Variants in EDC4 observed in about 807,000 individuals in gnomAD.
EDC4 encodes the protein enhancer of mRNA decapping 4, also known as enhancer of mRNA-decapping protein 4.
Under a neutral mutation model 155.8 loss-of-function variants are expected in EDC4, and 64 were observed. The ratio of observed to expected loss-of-function variants is 0.41; its 90% CI spans 0.34 to 0.51. EDC4 has a LOEUF of 0.51. Ranked by LOEUF, EDC4 falls within the 20% of genes least tolerant of loss-of-function variation. The pLI, the probability that EDC4 is intolerant of heterozygous loss-of-function variation, is 0.19. For synonymous variants in EDC4, 684 were observed against 716.8 expected, an observed-to-expected ratio of 0.95 and a Z score of 0.73; for missense variants, 1,303 against 1,812.5, an observed-to-expected ratio of 0.72 and a Z score of 5.10.
Position 67,884,148 on chromosome 16 carries a change from G to A in EDC4, c.4206G>A (p.Ter1402=). The A allele has an allele frequency of 6.2e-7, 1 of 1,605,262 alleles. No homozygotes were observed. The highest frequency in any genetic ancestry group is 8.5e-7 in the Non-Finnish European group (1 of 1,174,766). ...GCCTCGTGACCCCCAGCCTCCCTTA[G>A]CTGCTAAGCCTGCCTTGCCCAGGGG... is the stretch of plus-strand genomic sequence containing the variant. ...LHGLVTPSLP[*] The change falls in exon 29 of 29, where the codon TAG becomes TAA. Residue 1402 remains the stop codon, a stop_retained_variant. Coordinates refer to ENST00000358933, the MANE Select transcript of EDC4 (RefSeq NM_014329.5). This position sits in a 1 kb window ranked among gnomAD's most constrained non-coding sequence, Gnocchi z 4.1.
chr16:67,878,999 C>T lies in EDC4; in HGVS notation c.1330C>T (p.His444Tyr). The T allele has an allele frequency of 6.2e-7, 1 of 1,612,104 alleles. No individual in the cohort carries two copies. Among genetic ancestry groups the T allele is most frequent in the East Asian group, 2.2e-5 (1 of 44,870 alleles). Residue 444 changes from histidine (H) to tyrosine (Y), a missense_variant, in exon 12 of 29, where the codon CAC (histidine) becomes TAC (tyrosine). Transcript: ENST00000358933. This position sits in a 1 kb window ranked among gnomAD's most constrained non-coding sequence, Gnocchi z 5.2. ...MELLQNQEEG[H>Y]ACFSSISEFL... ...GCTGCTGCAAAACCAGGAGGAGGGCCACGCCTGCTTCAGCTCCATCTCGGA... is the reference window on the plus strand; with the variant it reads ...GCTGCTGCAAAACCAGGAGGAGGGCTACGCCTGCTTCAGCTCCATCTCGGA...
In EDC4 at chr16:67,876,436, C is replaced by G; in HGVS notation, c.240-52C>G. ...GTCCTCGCTTCCTCCCAACCCTGCC[C>G]GCTGAGCCTTTGGGTGAACAAGAGG... On this transcript the variant is annotated intron_variant, in intron 2 of 28. Coordinates refer to ENST00000358933, the MANE Select transcript of EDC4 (RefSeq NM_014329.5). This position sits in a 1 kb window ranked among gnomAD's most constrained non-coding sequence, Gnocchi z 5.8. The G allele has an allele frequency of 3.1e-6, 5 of 1,600,674 alleles. No individual in the cohort carries two copies. Among genetic ancestry groups the G allele is most frequent in the Non-Finnish European group, 4.3e-6 (5 of 1,172,118 alleles).
chr16:67,876,655 C>T lies in EDC4; in HGVS notation c.351+56C>T. On this transcript the variant is annotated intron_variant, in intron 3 of 28. Coordinates refer to ENST00000358933, the MANE Select transcript of EDC4 (RefSeq NM_014329.5). The surrounding 1 kb of genome is among the most constrained non-coding windows in gnomAD (Gnocchi z 5.8). ...TGTACGGGGGCACACCCAGCCTTTC[C>T]AGTCTCCCTCATGCTGCCAGTTCCT... is the stretch of plus-strand genomic sequence containing the variant. 1.3e-6 allele frequency: 2 copies of T among 1,599,102 alleles called. No homozygotes were observed. The highest frequency in any genetic ancestry group is 1.7e-6 in the Non-Finnish European group (2 of 1,171,144).
At position 67,877,708 on chromosome 16, in the gene EDC4, TG is replaced by T. The variant is rs758380405; in HGVS notation, c.790-30del. 9.6e-5 allele frequency: 155 copies of T among 1,614,002 alleles called. No individual in the cohort carries two copies. Among genetic ancestry groups the T allele is most frequent in the Non-Finnish European group, 1.6e-5 (19 of 1,180,020 alleles). On this transcript the variant is annotated intron_variant, in intron 6 of 28. Coordinates refer to ENST00000358933, the MANE Select transcript of EDC4 (RefSeq NM_014329.5). This position sits in a 1 kb window ranked among gnomAD's most constrained non-coding sequence, Gnocchi z 4.9. ...CGCCAGAGAAGCCATAGTGTGGGGT[TG>T]GGCTGCACACTCACCTCCCTGTGCC... is the stretch of plus-strand genomic sequence containing the variant.
Position 67,879,666 on chromosome 16 carries a change from A to T in EDC4, c.1713A>T (p.Arg571=). The change falls in exon 15 of 29, where the codon CGA becomes CGT. Residue 571 remains arginine, a synonymous_variant. Coordinates refer to ENST00000358933, the MANE Select transcript of EDC4 (RefSeq NM_014329.5). The surrounding 1 kb of genome is among the most constrained non-coding windows in gnomAD (Gnocchi z 6.0). The part of the protein sequence containing the change: ...AAHGSQPDLR[R]IVELPAPADF... ...ACGGCTCCCAGCCTGACCTCCGACG[A>T]ATCGTGGAGCTGCCTGCACCTGCCG... 6.2e-7 allele frequency: 1 copy of T among 1,614,070 alleles called. No individual in the cohort carries two copies. Among genetic ancestry groups the T allele is most frequent in the Non-Finnish European group, 8.5e-7 (1 of 1,179,998 alleles).
At position 67,883,197 on chromosome 16, in the gene EDC4, C is replaced by T; in HGVS notation, c.3849+20C>T. ...CAGCAGGTACGATAGGCATTAGGCCCTGCTAAGGGTCACGTGTCTCTTGAC... is the reference window on the plus strand; with the variant it reads ...CAGCAGGTACGATAGGCATTAGGCCTTGCTAAGGGTCACGTGTCTCTTGAC... On this transcript the variant is annotated intron_variant, in intron 27 of 28. Coordinates refer to ENST00000358933, the MANE Select transcript of EDC4 (RefSeq NM_014329.5). The surrounding 1 kb of genome is among the most constrained non-coding windows in gnomAD (Gnocchi z 5.3). 6.5e-7 allele frequency: 1 copy of T among 1,543,590 alleles called. No homozygotes were observed. Among genetic ancestry groups the T allele is most frequent in the Non-Finnish European group, 8.7e-7 (1 of 1,144,204 alleles).
At position 67,882,153 on chromosome 16, in the gene EDC4, G is replaced by A. The variant is rs1567391774; in HGVS notation, c.3160+44G>A. 3 of 1,613,442 alleles carry A rather than the reference G, an allele frequency of 1.9e-6. No individual in the cohort carries two copies. Among genetic ancestry groups the A allele is most frequent in the African/African-American group, 2.7e-5 (2 of 75,020 alleles). ...CTCCCTTTGGGTGGTTCAGGTGGGA[G>A]TGGGGTACCTGTCAAGCTTCTTCTC... On this transcript the variant is annotated intron_variant, in intron 23 of 28. Coordinates refer to ENST00000358933, the MANE Select transcript of EDC4 (RefSeq NM_014329.5). This position sits in a 1 kb window ranked among gnomAD's most constrained non-coding sequence, Gnocchi z 7.2.
At position 67,878,651 on chromosome 16, in the gene EDC4, C is replaced by A. The variant is rs1222246470; in HGVS notation, c.1184+20C>A. Reference sequence around the variant, plus strand: ...TATTCGGTAAGCAGTGGCTGGAAGGCTGGGGGACTGGGCAGGGGCGGCAGG... The same window carrying A: ...TATTCGGTAAGCAGTGGCTGGAAGGATGGGGGACTGGGCAGGGGCGGCAGG... On this transcript the variant is annotated intron_variant, in intron 10 of 28. Transcript: ENST00000358933. The surrounding 1 kb of genome is among the most constrained non-coding windows in gnomAD (Gnocchi z 5.2). 1 of 1,614,166 alleles carries A rather than the reference C, an allele frequency of 6.2e-7. No homozygotes were observed. Among genetic ancestry groups the A allele is most frequent in the Non-Finnish European group, 8.5e-7 (1 of 1,180,020 alleles).
chr16:67,873,074 A>AGGCGGCTCGTGGG lies in EDC4; in HGVS notation c.-188_-187insGGCGGCTCGTGGG. Reference sequence around the variant, plus strand: ...GGGAGCCTCGGCTCGTGGGTGCCGGAAGTGGAGGCGGTTGGTGGGGTTGGC... The same window carrying AGGCGGCTCGTGGG: ...GGGAGCCTCGGCTCGTGGGTGCCGGAGGCGGCTCGTGGGAGTGGAGGCGGTTGGTGGGGTTGGC... On this transcript the variant is annotated 5_prime_UTR_variant, in exon 1 of 29. Transcript: ENST00000358933. 6.9e-6 allele frequency: 3 copies of AGGCGGCTCGTGGG among 433,480 alleles called. No individual in the cohort carries two copies. Among genetic ancestry groups the AGGCGGCTCGTGGG allele is most frequent in the Non-Finnish European group, 1.2e-5 (3 of 248,992 alleles). 26.9% of individuals were successfully genotyped at this position (433,480 alleles called of 1,614,324 possible). A position where few individuals can be genotyped will look rare whatever the true frequency, so the allele number is the denominator to read the frequency against.
chr16:67,880,497 G>T lies in EDC4; in HGVS notation c.2098-60G>T. 2.5e-6 allele frequency: 4 copies of T among 1,579,432 alleles called. No homozygotes were observed. The highest frequency in any genetic ancestry group is 3.5e-6 in the Non-Finnish European group (4 of 1,158,854). On this transcript the variant is annotated intron_variant, in intron 17 of 28. Coordinates refer to ENST00000358933, the MANE Select transcript of EDC4 (RefSeq NM_014329.5). This position sits in a 1 kb window ranked among gnomAD's most constrained non-coding sequence, Gnocchi z 5.2. ...CTGCTAATACTAATGCCTCGTCTCT[G>T]TGCCCCCCATCTCTGCCTCACTTCC...
chr16:67,873,218 G>A lies in EDC4; in HGVS notation c.-44G>A. 2 of 1,344,832 alleles carry A rather than the reference G, an allele frequency of 1.5e-6. No homozygotes were observed. Among genetic ancestry groups the A allele is most frequent in the Non-Finnish European group, 9.6e-7 (1 of 1,046,324 alleles). The allele number at this position is 1,344,832 out of a possible 1,614,324, so 83.3% of individuals were successfully genotyped here. ...GCGAGGGTGCGTGGTGCGCGGCGGC[G>A]GCGGAACGAACGCGGTGCGGGCGGG... On this transcript the variant is annotated 5_prime_UTR_variant, in exon 1 of 29. Coordinates refer to ENST00000358933, the MANE Select transcript of EDC4 (RefSeq NM_014329.5).
rs2058081524 is a variant in EDC4 at position 67,883,810 on chromosome 16, A to C, written c.4013+79A>C. 1 of 1,565,118 alleles carries C rather than the reference A, an allele frequency of 6.4e-7. No homozygotes were observed. On this transcript the variant is annotated intron_variant, in intron 28 of 28. Coordinates refer to ENST00000358933, the MANE Select transcript of EDC4 (RefSeq NM_014329.5). This position sits in a 1 kb window ranked among gnomAD's most constrained non-coding sequence, Gnocchi z 5.3. ...AGGGAGCAGTTTGAAGCTGACGCCC[A>C]CTTCTGCCTGAATCCTCTCCCTAAT...
rs2058051989 is a variant in EDC4, at chr16:67,878,677, G to A, written c.1184+46G>A. ...TGGGGGACTGGGCAGGGGCGGCAGG[G>A]TTGGGAATGTAGCTTCCTTCAGTTC... On this transcript the variant is annotated intron_variant, in intron 10 of 28. Transcript: ENST00000358933. The surrounding 1 kb of genome is among the most constrained non-coding windows in gnomAD (Gnocchi z 5.2). 1 of 1,614,198 alleles carries A rather than the reference G, an allele frequency of 6.2e-7. No homozygotes were observed. Among genetic ancestry groups the A allele is most frequent in the Non-Finnish European group, 8.5e-7 (1 of 1,180,032 alleles).
chr16:67,880,820 C>T lies in EDC4; in HGVS notation c.2361C>T (p.Pro787=), dbSNP rs779743865. Residue 787 remains proline (P), a synonymous_variant, in exon 18 of 29, where the codon CCC becomes CCT. Transcript: ENST00000358933. This position sits in a 1 kb window ranked among gnomAD's most constrained non-coding sequence, Gnocchi z 5.2. ...HLLSPRPRPG[P]ELGPQLGLDG... Reference sequence around the variant, plus strand: ...TGTCCCCACGGCCCCGGCCAGGGCCCGAGCTCGGCCCCCAGCTCGGGCTTG... The same window carrying T: ...TGTCCCCACGGCCCCGGCCAGGGCCTGAGCTCGGCCCCCAGCTCGGGCTTG... The T allele has an allele frequency of 1.3e-5, 21 of 1,613,934 alleles. No individual in the cohort carries two copies. The highest frequency in any genetic ancestry group is 1.2e-4 in the Admixed American group (7 of 60,036).
Position 67,879,512 on chromosome 16 carries a change from G to C in EDC4, c.1633+9G>C. ...TGCCCACGAGGACTTCAGTGAGTAG[G>C]GCGTGAGAGGGAGGTAGGGTAAGTT... On this transcript the variant is annotated intron_variant, in intron 14 of 28. Transcript: ENST00000358933. The surrounding 1 kb of genome is among the most constrained non-coding windows in gnomAD (Gnocchi z 6.0). 6.2e-7 allele frequency: 1 copy of C among 1,614,116 alleles called. No homozygotes were observed. Among genetic ancestry groups the C allele is most frequent in the African/African-American group, 1.3e-5 (1 of 75,038 alleles).
At position 67,877,785 on chromosome 16, in the gene EDC4, C is replaced by T; in HGVS notation, c.834C>T (p.Thr278=). 1 of 1,614,212 alleles carries T rather than the reference C, an allele frequency of 6.2e-7. No individual in the cohort carries two copies. The highest frequency in any genetic ancestry group is 8.5e-7 in the Non-Finnish European group (1 of 1,180,046). Residue 278 remains threonine (T), a synonymous_variant, in exon 7 of 29, where the codon ACC becomes ACT. Coordinates refer to ENST00000358933, the MANE Select transcript of EDC4 (RefSeq NM_014329.5). This position sits in a 1 kb window ranked among gnomAD's most constrained non-coding sequence, Gnocchi z 4.9. ...DLDMLRSSHS[T]WPVDVSQIKQ... ...ACATGCTCCGCTCCAGCCACAGTAC[C>T]TGGCCTGTGGATGTTAGCCAGATCA...
rs766174475 is a variant in EDC4 at position 67,877,157 on chromosome 16, T to C, written c.452-60T>C. The stretch of plus-strand genomic sequence containing the variant: ...GGCAGGGAGACAGGTGGGGCAGCGC[T>C]TCTCTGCTACTGCCTGAGCCTGGAT... On this transcript the variant is annotated intron_variant, in intron 4 of 28. Coordinates refer to ENST00000358933, the MANE Select transcript of EDC4 (RefSeq NM_014329.5). The surrounding 1 kb of genome is among the most constrained non-coding windows in gnomAD (Gnocchi z 4.9). The C allele has an allele frequency of 1.3e-5, 21 of 1,559,512 alleles. No individual in the cohort carries two copies. In the South Asian group the frequency reaches 2.3e-4, roughly 17 times the overall value.
In EDC4 at chr16:67,884,212, G is replaced by A. The variant is rs2151306794; in HGVS notation, c.*64G>A. ...AAGGCCAGCAGACAGGCCTAGGCTG[G>A]GGCAGGGTCACGGCTGGCCTTTACC... is the stretch of plus-strand genomic sequence containing the variant. On this transcript the variant is annotated 3_prime_UTR_variant, in exon 29 of 29. Coordinates refer to ENST00000358933, the MANE Select transcript of EDC4 (RefSeq NM_014329.5). This position sits in a 1 kb window ranked among gnomAD's most constrained non-coding sequence, Gnocchi z 4.1. 6.8e-7 allele frequency: 1 copy of A among 1,462,540 alleles called. No homozygotes were observed. The highest frequency in any genetic ancestry group is 1.3e-5 in the South Asian group (1 of 76,208). The allele number at this position is 1,462,540 out of a possible 1,614,324, so 90.6% of individuals were successfully genotyped here.
At position 67,883,465 on chromosome 16, in the gene EDC4, C is replaced by A; in HGVS notation, c.3850-103C>A. 6.5e-7 allele frequency: 1 copy of A among 1,533,498 alleles called. No individual in the cohort carries two copies. Among genetic ancestry groups the A allele is most frequent in the Admixed American group, 1.7e-5 (1 of 58,028 alleles). The allele number at this position is 1,533,498 out of a possible 1,614,324, so 95.0% of individuals were successfully genotyped here. A position where few individuals can be genotyped will look rare whatever the true frequency, so the allele number is the denominator to read the frequency against. On this transcript the variant is annotated intron_variant, in intron 27 of 28. Transcript: ENST00000358933. The surrounding 1 kb of genome is among the most constrained non-coding windows in gnomAD (Gnocchi z 5.3). ...TCTCTGAGTCCCTCTGGAGCTCTCA[C>A]TAGCCCACCCTGTGGTCATCCTCCC...
Sources: gnomAD v4.1 joint callset for allele counts on GRCh38, gnomAD v4.1.1 for gene constraint, Gnocchi (gnomAD v3.1) non-coding constraint, MANE v1.5 for transcripts, NCBI Gene and HGNC (gene_info 2026-07-23, HGNC 2026-07-21) for gene names.